UGT2A2: variants seen among roughly 807,000 people sequenced by gnomAD.
UGT2A2 encodes the protein UDP-glucuronosyltransferase 2A2.
A neutral mutation model predicts 50.7 loss-of-function variants in UGT2A2; 60 were observed. The observed-to-expected ratio is 1.18, with a 90% CI of 0.96 to 1.47. The LOEUF (loss-of-function observed/expected upper bound fraction) is 1.47. Ranked by LOEUF, UGT2A2 falls within the 40% of genes most tolerant of loss-of-function variation. The pLI is 0.00. For missense variants in UGT2A2, 762 were observed against 634.0 expected (o/e 1.20, Z -2.17); for synonymous variants, 242 against 214.6 (o/e 1.13, Z -1.11).
In UGT2A2 at chr4:69,588,763, G is replaced by A. The variant is rs897522568; in HGVS notation, c.*609C>T. 6.6e-6 allele frequency: 1 copy of A among 152,002 alleles called. No individual in the cohort carries two copies. The highest frequency in any genetic ancestry group is 2.1e-4 in the South Asian group (1 of 4,830). The allele number at this position is 152,002 out of a possible 1,614,324, so 9.4% of individuals were successfully genotyped here. On this transcript the variant is annotated 3_prime_UTR_variant, in exon 6 of 6. Coordinates refer to ENST00000604629, the MANE Select transcript of UGT2A2 (RefSeq NM_001105677.2). ...AAGAAAGGCAGGCAAGTTATGCCGT[G>A]ATTTTCTAGATATGCTTAATGAAAA...
At chr4:69,630,045 C>T (rs1721298685) in intron 1 of UGT2A2, among the ~76,000 whole-genome samples, 1 of 151,968 alleles carries the variant, frequency 6.6e-6, no homozygotes, top group African/African-American at 2.4e-5. Flanking sequence ...ATTTATTTCT[C>T]ATATTTAAAC....
intron 1 of UGT2A2, among the ~76,000 whole-genome samples, chr4:69,630,918 T>G (rs1721344556): frequency 6.6e-6 from 1 of 151,248 alleles, no homozygotes; most frequent in Non-Finnish European, 1.5e-5. Flanking sequence ...CTGTGGTGTG[T>G]GCTAAAGAAT....
intron 1 of UGT2A2, among the ~76,000 whole-genome samples, chr4:69,614,501 C>G (rs578042680): frequency 9.9e-5 from 15 of 151,794 alleles, no homozygotes; most frequent in African/African-American, 3.6e-4. Context: ...CCACAAAAGA[C>G]CAGAATAGCC....
intron 1 of UGT2A2, among the ~76,000 whole-genome samples, chr4:69,627,743 A>G (rs1188417607): frequency 4.6e-5 from 7 of 151,970 alleles, no homozygotes; most frequent in Non-Finnish European, 1.0e-4. Context: ...TCAAATTATG[A>G]GCAAACTGGA....
At chr4:69,610,517 A>G (rs1487516195) in intron 1 of UGT2A2, among the ~76,000 whole-genome samples, 2 of 152,184 alleles carry the variant, frequency 1.3e-5, no homozygotes, top group African/African-American at 4.8e-5. Context: ...CTTTAAACAC[A>G]AACTTTAAAT....
chr4:69,599,599 G>A, intron 1 of UGT2A2: 9 of 562,164 alleles, frequency 1.6e-5, no homozygotes, highest in South Asian at 9.8e-5. Context: ...AAAGAAGGAA[G>A]GAAGGGAGGA....
chr4:69,612,018 C>T (rs1720089813), intron 1 of UGT2A2, among the ~76,000 whole-genome samples: 1 of 151,980 alleles, frequency 6.6e-6, no homozygotes, highest in Non-Finnish European at 1.5e-5. Context: ...TCAGAATTAA[C>T]ATAGTCAGCA....
At chr4:69,596,408 C>A (rs780072803) in intron 2 of UGT2A2, 27 bp from the exon 3 acceptor site, 2 of 1,531,556 alleles carry the variant, frequency 1.3e-6, no homozygotes, top group Admixed American at 2.0e-5. Flanking sequence ...TTTTCTATTA[C>A]AAAGGTGTAG....
intron 2 of UGT2A2, 132 bp downstream of exon 2, chr4:69,599,114 A>G (rs1315322065): frequency 3.7e-6 from 5 of 1,348,436 alleles, no homozygotes; most frequent in Non-Finnish European, 4.9e-6. Flanking sequence ...CCTCTATCAC[A>G]AGGAAAATAG....
intron 1 of UGT2A2, among the ~76,000 whole-genome samples, chr4:69,613,817 G>A (rs1560479100): frequency 6.6e-6 from 1 of 151,798 alleles, no homozygotes; most frequent in South Asian, 2.1e-4. Flanking sequence ...AGTATAGAAG[G>A]AACATAGCTC....
intron 1 of UGT2A2, among the ~76,000 whole-genome samples, chr4:69,620,433 G>T (rs1460785257): frequency 1.5e-5 from 2 of 134,496 alleles, no homozygotes; most frequent in Admixed American, 7.1e-5. Context: ...GGAGGTGAAA[G>T]ATCTCTACAA....
chr4:69,636,879 A>G (rs1721739520), intron 1 of UGT2A2, among the ~76,000 whole-genome samples: 1 of 152,192 alleles, frequency 6.6e-6, no homozygotes, highest in South Asian at 2.1e-4. Flanking sequence ...CTGTGACTCT[A>G]AAGTTTCAGT....
rs1191293632 is a variant in UGT2A2 at position 69,599,401 on chromosome 4, A to G, written c.743-7T>C. 1 of 1,611,894 alleles carries G rather than the reference A, an allele frequency of 6.2e-7. No homozygotes were observed. The highest frequency in any genetic ancestry group is 8.5e-7 in the Non-Finnish European group (1 of 1,179,480). On this transcript the variant is annotated splice_region_variant and splice_polypyrimidine_tract_variant and intron_variant, in intron 1 of 5. Coordinates refer to ENST00000604629, the MANE Select transcript of UGT2A2 (RefSeq NM_001105677.2). ...CATAACGTAGTGGGTCTTCCTGGAG[A>G]AAATGTAACAAGTTGGATGGAGGAA... is the stretch of plus-strand genomic sequence containing the variant.
intron 1 of UGT2A2, among the ~76,000 whole-genome samples, chr4:69,636,811 A>G (rs1211355957): frequency 6.6e-6 from 1 of 152,162 alleles, no homozygotes; most frequent in Admixed American, 6.5e-5. Context: ...ATGATATCAT[A>G]TGATCCTCCT....
intron 1 of UGT2A2, among the ~76,000 whole-genome samples, chr4:69,623,747 A>T (rs557065220): frequency 6.6e-6 from 1 of 151,520 alleles, no homozygotes; most frequent in South Asian, 2.1e-4. Context: ...TATATGTAAT[A>T]CATTATAAAA....
chr4:69,599,621 C>T, intron 1 of UGT2A2: 1 of 467,974 alleles, frequency 2.1e-6, no homozygotes. Flanking sequence ...GGGAGGAAGG[C>T]AGGCAAGCAG....
At chr4:69,635,020 T>A (rs1721596516) in intron 1 of UGT2A2, among the ~76,000 whole-genome samples, 2 of 152,244 alleles carry the variant, frequency 1.3e-5, no homozygotes, top group Admixed American at 1.3e-4. Flanking sequence ...GGATACCCCG[T>A]ACTCCAGGAT....
chr4:69,610,847 T>C (rs116346978), intron 1 of UGT2A2, among the ~76,000 whole-genome samples: 1,966 of 152,272 alleles, frequency 0.013, 41 homozygotes, highest in African/African-American at 0.045. Context: ...TATTATTAGT[T>C]CTTGTATTAG....
intron 1 of UGT2A2, among the ~76,000 whole-genome samples, chr4:69,633,268 T>C (rs115062101): frequency 0.013 from 1,954 of 152,150 alleles, 53 homozygotes; most frequent in African/African-American, 0.045. Flanking sequence ...ATAAAAACAA[T>C]AGAGATCAAC....
Sources: gnomAD v4.1 joint callset for allele counts (sites outside exome capture counted in the v4.1 genomes callset) on GRCh38, gnomAD v4.1.1 for gene constraint, MANE v1.5 for transcripts, NCBI Gene and HGNC (gene_info 2026-07-23, HGNC 2026-07-21) for gene names.